The following LYRM1 variants were observed in gnomAD, a reference collection of about 807,000 sequenced individuals.
LYRM1 encodes LYR motif-containing protein 1.
A neutral mutation model predicts 14.9 loss-of-function variants in LYRM1; 14 were observed. The ratio of observed to expected loss-of-function variants is 0.94; its 90% CI spans 0.62 to 1.47. LYRM1 has a LOEUF of 1.47. Ranked by LOEUF, LYRM1 falls within the 40% of genes most tolerant of loss-of-function variation. The pLI is 0.00. For missense variants in LYRM1, 153 were observed against 149.9 expected, an observed-to-expected ratio of 1.02 and a Z score of -0.11; for synonymous variants, 43 against 56.2, an observed-to-expected ratio of 0.77 and a Z score of 1.05.
chr16:20,920,257 A>C (rs1378424346), intron 3 of LYRM1, 43 bp downstream of exon 3: 1 of 1,374,298 alleles, frequency 7.3e-7, no homozygotes, highest in Non-Finnish European at 1.0e-6. Flanking sequence ...ACTTACCCTC[A>C]TCAACCTGGT....
Position 20,920,309 on chromosome 16 carries a change from G to C in LYRM1, c.252+95G>C, listed in dbSNP as rs754403999. On this transcript the variant is annotated intron_variant, in intron 3 of 3. Coordinates refer to ENST00000567954, the MANE Select transcript of LYRM1 (RefSeq NM_001128302.3). ...TAACAAGAGGGCGAGTGCTTGCTGA[G>C]AAGCCCAGAGCTGCTGTGGGAGGCA... The C allele has an allele frequency of 4.4e-6, 4 of 919,372 alleles. No homozygotes were observed. In the South Asian group the frequency reaches 5.3e-5, roughly 12 times the overall value. 57.0% of individuals were successfully genotyped at this position (919,372 alleles called of 1,614,324 possible).
chr16:20,906,128 G>A (rs2082307683), intron 1 of LYRM1, among the ~76,000 whole-genome samples: 1 of 152,106 alleles, frequency 6.6e-6, no homozygotes, highest in Non-Finnish European at 1.5e-5. Context: ...AAAAAGAAAG[G>A]TAAGTCATGC....
intron 1 of LYRM1, among the ~76,000 whole-genome samples, chr16:20,913,065 T>A (rs2082678493): frequency 8.5e-6 from 1 of 117,506 alleles, no homozygotes; most frequent in South Asian, 3.0e-4. Flanking sequence ...AAACTCTGTC[T>A]CAAAAATAAT....
At chr16:20,913,995 A>G (rs1162344133) in intron 1 of LYRM1, among the ~76,000 whole-genome samples, 1 of 151,926 alleles carries the variant, frequency 6.6e-6, no homozygotes, top group Non-Finnish European at 1.5e-5. Context: ...TTTTTAGTAG[A>G]GACGGGGTTT....
In LYRM1 at chr16:20,924,779, C is replaced by T. The variant is rs1460445157; in HGVS notation, c.*663C>T. 3 of 152,252 alleles carry T rather than the reference C, an allele frequency of 2.0e-5. No homozygotes were observed. Among genetic ancestry groups the T allele is most frequent in the South Asian group, 2.1e-4 (1 of 4,826 alleles). The allele number at this position is 152,252 out of a possible 1,614,324, so 9.4% of individuals were successfully genotyped here. On this transcript the variant is annotated 3_prime_UTR_variant, in exon 4 of 4. Coordinates refer to ENST00000567954, the MANE Select transcript of LYRM1 (RefSeq NM_001128302.3). The stretch of plus-strand genomic sequence containing the variant: ...CTTTAAACTCATACTACATTCGTTA[C>T]GAGTATTTTACGTTAACATAATTGA...
At chr16:20,918,917 T>G (rs1256397534) in intron 2 of LYRM1, among the ~76,000 whole-genome samples, 1 of 151,766 alleles carries the variant, frequency 6.6e-6, no homozygotes, top group Non-Finnish European at 1.5e-5. Flanking sequence ...AACTCTTCTC[T>G]GCTCCAAGAG....
intron 1 of LYRM1, among the ~76,000 whole-genome samples, chr16:20,915,339 A>G (rs2082822211): frequency 6.6e-6 from 1 of 151,922 alleles, no homozygotes; most frequent in African/African-American, 2.4e-5. Flanking sequence ...GGGCGCCTGT[A>G]GTCCCAGCTA....
chr16:20,922,754 C>T (rs1173729926), intron 3 of LYRM1, among the ~76,000 whole-genome samples: 2 of 152,186 alleles, frequency 1.3e-5, no homozygotes, highest in Non-Finnish European at 2.9e-5. Context: ...TCCCAAAGTG[C>T]TGGGATTACA....
rs1567437457 is a variant in LYRM1 at position 20,901,183 on chromosome 16, G to A, written c.-1+294G>A. 1 of 152,568 alleles carries A rather than the reference G, an allele frequency of 6.6e-6. No homozygotes were observed. Among genetic ancestry groups the A allele is most frequent in the Non-Finnish European group, 1.5e-5 (1 of 68,338 alleles). 9.5% of individuals were successfully genotyped at this position (152,568 alleles called of 1,614,324 possible). On this transcript the variant is annotated intron_variant, in intron 1 of 3. Transcript: ENST00000567954. The surrounding 1 kb of genome is among the most constrained non-coding windows in gnomAD (Gnocchi z 4.6). ...TCTTTTGGACCCCCGAATGTAAATGGGAGATGGTAGGGGCCGGTCCGGGGG... is the reference window on the plus strand; with the variant it reads ...TCTTTTGGACCCCCGAATGTAAATGAGAGATGGTAGGGGCCGGTCCGGGGG...
At chr16:20,905,982 G>A (rs1432004437) in intron 1 of LYRM1, among the ~76,000 whole-genome samples, 2 of 152,196 alleles carry the variant, frequency 1.3e-5, no homozygotes, top group Non-Finnish European at 2.9e-5. Context: ...ACCATTCTGT[G>A]TGTGTAAATT....
chr16:20,915,724 C>T lies in LYRM1; in HGVS notation c.159+10C>T. 6.2e-7 allele frequency: 1 copy of T among 1,612,828 alleles called. No individual in the cohort carries two copies. The highest frequency in any genetic ancestry group is 8.5e-7 in the Non-Finnish European group (1 of 1,179,114). ...CCGGAAAAACAAAAATGTAAGTAGG[C>T]CCCACTTGGAGATTGTGCAGAGGAG... is the stretch of plus-strand genomic sequence containing the variant. On this transcript the variant is annotated intron_variant, in intron 2 of 3. Coordinates refer to ENST00000567954, the MANE Select transcript of LYRM1 (RefSeq NM_001128302.3).
chr16:20,924,237 T>G lies in LYRM1; in HGVS notation c.*121T>G. ...AATGTCTTCTTAAAACCTCCACAAT[T>G]GATTCTCCCCCTGTGATGTAAACTT... is the stretch of plus-strand genomic sequence containing the variant. On this transcript the variant is annotated 3_prime_UTR_variant, in exon 4 of 4. Coordinates refer to ENST00000567954, the MANE Select transcript of LYRM1 (RefSeq NM_001128302.3). 1 of 617,814 alleles carries G rather than the reference T, an allele frequency of 1.6e-6. No homozygotes were observed. Among genetic ancestry groups the G allele is most frequent in the Non-Finnish European group, 2.9e-6 (1 of 342,876 alleles). The allele number at this position is 617,814 out of a possible 1,614,324, so 38.3% of individuals were successfully genotyped here.
At chr16:20,902,648 C>T (rs1822291349) in intron 1 of LYRM1, 1 of 152,258 alleles carries the variant, frequency 6.6e-6, no homozygotes, top group Non-Finnish European at 1.5e-5. Flanking sequence ...CAAGTAGAAG[C>T]TAAGTCCTGG....
In LYRM1 at chr16:20,924,238, G is replaced by A. The variant is rs2083352251; in HGVS notation, c.*122G>A. 1 of 616,402 alleles carries A rather than the reference G, an allele frequency of 1.6e-6. No individual in the cohort carries two copies. The highest frequency in any genetic ancestry group is 2.9e-6 in the Non-Finnish European group (1 of 342,322). 38.2% of individuals were successfully genotyped at this position (616,402 alleles called of 1,614,324 possible). A position where few individuals can be genotyped will look rare whatever the true frequency, so the allele number is the denominator to read the frequency against. ...ATGTCTTCTTAAAACCTCCACAATT[G>A]ATTCTCCCCCTGTGATGTAAACTTA... is the stretch of plus-strand genomic sequence containing the variant. On this transcript the variant is annotated 3_prime_UTR_variant, in exon 4 of 4. Coordinates refer to ENST00000567954, the MANE Select transcript of LYRM1 (RefSeq NM_001128302.3).
At chr16:20,923,510 A>G (rs1470214130) in intron 3 of LYRM1, among the ~76,000 whole-genome samples, 2 of 151,130 alleles carry the variant, frequency 1.3e-5, no homozygotes, top group Non-Finnish European at 3.0e-5. Flanking sequence ...AAAAAAAAAA[A>G]AAAGAAAGAA....
At chr16:20,921,412 G>C (rs541458467) in intron 3 of LYRM1, 2 of 151,518 alleles carry the variant, frequency 1.3e-5, no homozygotes, top group Admixed American at 6.6e-5. Context: ...TTGTTTGTTC[G>C]TTTTTTTGGA....
intron 1 of LYRM1, among the ~76,000 whole-genome samples, chr16:20,912,650 C>G (rs1433294383): frequency 6.6e-6 from 1 of 152,132 alleles, no homozygotes; most frequent in Non-Finnish European, 1.5e-5. Context: ...TATCTTCATA[C>G]AGCAGGCTGA....
At chr16:20,903,015 G>A (rs1334496954) in intron 1 of LYRM1, among the ~76,000 whole-genome samples, 1 of 152,182 alleles carries the variant, frequency 6.6e-6, no homozygotes, top group Non-Finnish European at 1.5e-5. Flanking sequence ...GAAGGCCTGG[G>A]TTTCAATCCT....
At chr16:20,920,498 A>G (rs2083132935) in intron 3 of LYRM1, 1 of 384,648 alleles carries the variant, frequency 2.6e-6, no homozygotes, top group Non-Finnish European at 4.7e-6. Context: ...TTTTTATGGA[A>G]ATGTGTTTAA....
Sources: allele counts gnomAD v4.1 joint callset (sites outside exome capture counted in the v4.1 genomes callset), GRCh38; gene constraint gnomAD v4.1.1; non-coding constraint Gnocchi (gnomAD v3.1); transcripts MANE v1.5; gene names NCBI Gene and HGNC (gene_info 2026-07-23, HGNC 2026-07-21).